The following ANO4 variants were observed in gnomAD, a reference collection of about 807,000 sequenced individuals.
ANO4 encodes anoctamin 4.
ANO4 carries 69 observed loss-of-function variants against 141.9 expected under a neutral mutation model. The ratio of observed to expected loss-of-function variants is 0.49; its 90% CI spans 0.40 to 0.59. The LOEUF is 0.59. Among genes scored for constraint, ANO4 ranks in the 20% least tolerant of loss-of-function variants. ANO4 has a pLI of 0.00. For missense variants in ANO4, 894 were observed against 1,162.2 expected (o/e 0.77, Z 3.36); for synonymous variants, 350 against 394.3 (o/e 0.89, Z 1.33).
intron 14 of ANO4, among the ~76,000 whole-genome samples, chr12:101,064,929 C>T (rs1014013063): frequency 4.6e-5 from 7 of 152,134 alleles, no homozygotes; most frequent in Non-Finnish European, 1.0e-4. Context: ...ACACTACCTG[C>T]CCATTAGTCA....
chr12:100,928,185 G>A (rs11110586), intron 3 of ANO4, among the ~76,000 whole-genome samples: 24,129 of 149,730 alleles, frequency 0.16, 2,310 homozygotes, highest in Middle Eastern at 0.33. Flanking sequence ...GAGCGGGGCC[G>A]GGGGGGCTGG....
At chr12:100,855,455 T>G (rs116080703) in intron 1 of ANO4, among the ~76,000 whole-genome samples, 6 of 152,296 alleles carry the variant, frequency 3.9e-5, no homozygotes, top group African/African-American at 1.4e-4. Context: ...TCATGCCATA[T>G]ATTTAATTTT....
intron 8 of ANO4, among the ~76,000 whole-genome samples, chr12:101,002,133 C>T (rs895419699): frequency 1.3e-4 from 20 of 152,314 alleles, no homozygotes; most frequent in Admixed American, 3.3e-4. Flanking sequence ...TGAACAATTA[C>T]GACAGTCTCT....
intron 3 of ANO4, among the ~76,000 whole-genome samples, chr12:100,751,986 C>T (rs1461766861): frequency 6.6e-6 from 1 of 152,168 alleles, no homozygotes; most frequent in Non-Finnish European, 1.5e-5. Flanking sequence ...AGCTTTGTGA[C>T]TTATCATGTT....
intron 1 of ANO4, among the ~76,000 whole-genome samples, chr12:100,722,993 T>C (rs2030935468): frequency 6.6e-6 from 1 of 152,034 alleles, no homozygotes; most frequent in Non-Finnish European, 1.5e-5. Context: ...CTCTTGTTTT[T>C]TCCCTACACC....
rs141251376 is a variant in ANO4, at chr12:100,964,784, A to T, written c.457-6522A>T. 1.2e-3 allele frequency among the ~76,000 whole-genome samples: 188 copies of T among 152,296 alleles called. 2 individuals carry two copies. The highest frequency in any genetic ancestry group is 4.2e-3 in the African/African-American group (176 of 41,568). Reference sequence around the variant, plus strand: ...GTAATTTCTTCAGGTCTCTGTTCAAATGTAACCTTATCAAAAGGCTTGTCC... The same window carrying T: ...GTAATTTCTTCAGGTCTCTGTTCAATTGTAACCTTATCAAAAGGCTTGTCC... On this transcript the variant is annotated intron_variant, in intron 5 of 27. Transcript: ENST00000392977.
intron 3 of ANO4, among the ~76,000 whole-genome samples, chr12:100,764,064 A>G (rs549294225): frequency 1.3e-5 from 2 of 152,276 alleles, no homozygotes; most frequent in East Asian, 1.9e-4. Flanking sequence ...TTCCATTGCT[A>G]CAATTCCACA....
intron 5 of ANO4, among the ~76,000 whole-genome samples, chr12:100,952,512 A>G (rs2043010954): frequency 6.6e-6 from 1 of 152,036 alleles, no homozygotes; most frequent in Non-Finnish European, 1.5e-5. Context: ...CAATCCTGTC[A>G]CCTCTTGGGC....
chr12:100,949,868 TAAC>T (rs1352833981), intron 5 of ANO4, among the ~76,000 whole-genome samples: 1 of 152,152 alleles, frequency 6.6e-6, no homozygotes, highest in Non-Finnish European at 1.5e-5. Context: ...ACAACAATAG[TAAC>T]AACAACAACA....
chr12:101,008,553 A>G (rs2045958879), intron 8 of ANO4, among the ~76,000 whole-genome samples: 1 of 152,202 alleles, frequency 6.6e-6, no homozygotes, highest in African/African-American at 2.4e-5. Context: ...ATCACTATTT[A>G]CATAATGACT....
chr12:100,780,036 T>G (rs939200036), intron 3 of ANO4, among the ~76,000 whole-genome samples: 2 of 152,188 alleles, frequency 1.3e-5, no homozygotes, highest in Non-Finnish European at 2.9e-5. Flanking sequence ...TCAATTTGTT[T>G]TTTTTAAGAC....
At chr12:101,042,080 C>T (rs1471914480) in intron 11 of ANO4, among the ~76,000 whole-genome samples, 3 of 152,100 alleles carry the variant, frequency 2.0e-5, no homozygotes, top group African/African-American at 7.2e-5. Flanking sequence ...CCAGTCCATT[C>T]TGTCTTCTCA....
chr12:100,767,455 G>C (rs914966410), intron 3 of ANO4, among the ~76,000 whole-genome samples: 2 of 152,072 alleles, frequency 1.3e-5, no homozygotes, highest in African/African-American at 2.4e-5. Flanking sequence ...CATCTCATTT[G>C]TGTATTTTGG....
intron 3 of ANO4, among the ~76,000 whole-genome samples, chr12:100,775,904 C>CT (rs1263148356): frequency 1.3e-5 from 2 of 151,094 alleles, no homozygotes; most frequent in East Asian, 1.9e-4. Context: ...CCTATGATTT[C>CT]TTTTTTTTAA....
intron 3 of ANO4, among the ~76,000 whole-genome samples, chr12:100,746,812 C>T (rs1054953224): frequency 6.6e-6 from 1 of 152,202 alleles, no homozygotes; most frequent in Non-Finnish European, 1.5e-5. Flanking sequence ...TTAGGGCATT[C>T]CCAGGGCTCT....
intron 1 of ANO4, among the ~76,000 whole-genome samples, chr12:100,834,931 C>T (rs984101494): frequency 1.3e-5 from 2 of 152,034 alleles, no homozygotes; most frequent in African/African-American, 4.8e-5. Context: ...TAAGGACCAG[C>T]CTAGAGGTCA....
chr12:100,771,882 T>C (rs2033316207), intron 3 of ANO4, among the ~76,000 whole-genome samples: 1 of 152,158 alleles, frequency 6.6e-6, no homozygotes, highest in African/African-American at 2.4e-5. Flanking sequence ...CTGCCATACA[T>C]CATTTGTGCA....
intron 1 of ANO4, among the ~76,000 whole-genome samples, chr12:100,816,901 A>G (rs2035768513): frequency 6.6e-6 from 1 of 151,912 alleles, no homozygotes; most frequent in Non-Finnish European, 1.5e-5. Flanking sequence ...ATATGTCCAG[A>G]GTTCTTAGCC....
chr12:101,045,759 C>T (rs1735656501), intron 13 of ANO4, among the ~76,000 whole-genome samples: 1 of 152,188 alleles, frequency 6.6e-6, no homozygotes, highest in Non-Finnish European at 1.5e-5. Flanking sequence ...ACTGTTCCTC[C>T]AGGGACCCCG....
Sources: allele counts gnomAD v4.1 joint callset (sites outside exome capture counted in the v4.1 genomes callset), GRCh38; gene constraint gnomAD v4.1.1; transcripts MANE v1.5; gene names NCBI Gene and HGNC (gene_info 2026-07-23, HGNC 2026-07-21).